HACD1: variants seen among roughly 807,000 people sequenced by gnomAD.
The protein encoded by HACD1 is very-long-chain (3R)-3-hydroxyacyl-CoA dehydratase 1.
In HACD1, 41 loss-of-function variants were observed where a neutral mutation model predicts 32.0. That is an observed-to-expected ratio of 1.28 (90% CI 1.00 to 1.66). The LOEUF (loss-of-function observed/expected upper bound fraction) is 1.66, where lower values mean the gene tolerates loss of function less well. Ranked by LOEUF, HACD1 falls within the 40% of genes most tolerant of loss-of-function variation. HACD1 has a pLI of 0.00. For missense variants in HACD1, 396 were observed against 380.1 expected (o/e 1.04, Z -0.35); for synonymous variants, 142 against 139.0 (o/e 1.02, Z -0.15).
At chr10:17,601,787 G>T (rs143529181) in intron 4 of HACD1, among the ~76,000 whole-genome samples, 1 of 152,110 alleles carries the variant, frequency 6.6e-6, no homozygotes, top group East Asian at 1.9e-4. Flanking sequence ...CATGGCAGTC[G>T]CTGTTTAGGG....
intron 6 of HACD1, among the ~76,000 whole-genome samples, chr10:17,592,937 C>T (rs927220276): frequency 1.3e-5 from 2 of 152,212 alleles, no homozygotes; most frequent in Admixed American, 6.5e-5. Context: ...GGCAGGGGCT[C>T]ATGCCTGTAA....
At position 17,589,881 on chromosome 10, in the gene HACD1, C is replaced by T. The variant is rs1554815409; in HGVS notation, c.*483G>A. ...CAAATTATATCCACGCTTCCAAACA[C>T]TGTTATTAGTCATAATGCTGCCTTA... On this transcript the variant is annotated 3_prime_UTR_variant, in exon 7 of 7. Coordinates refer to ENST00000361271, the MANE Select transcript of HACD1 (RefSeq NM_014241.4). The T allele has an allele frequency of 6.8e-6, 1 of 147,986 alleles. No homozygotes were observed. Among genetic ancestry groups the T allele is most frequent in the Non-Finnish European group, 1.5e-5 (1 of 67,216 alleles). 9.2% of individuals were successfully genotyped at this position (147,986 alleles called of 1,614,324 possible).
chr10:17,616,225 C>CGCCACT (rs1319531380), intron 1 of HACD1, among the ~76,000 whole-genome samples: 3 of 86,138 alleles, frequency 3.5e-5, no homozygotes, highest in Non-Finnish European at 7.4e-5. Flanking sequence ...GCCGAGATCC[C>CGCCACT]GCCACTGCAC....
intron 1 of HACD1, among the ~76,000 whole-genome samples, chr10:17,606,833 C>T (rs1350271804): frequency 1.3e-5 from 2 of 152,170 alleles, no homozygotes; most frequent in Non-Finnish European, 2.9e-5. Flanking sequence ...AGAGTGCTTT[C>T]TATGTCTTAG....
At chr10:17,604,357 C>T (rs1322957592) in intron 1 of HACD1, among the ~76,000 whole-genome samples, 2 of 151,752 alleles carry the variant, frequency 1.3e-5, no homozygotes, top group African/African-American at 4.8e-5. Context: ...TGGTGGCGGG[C>T]GCCTGAGTCC....
chr10:17,608,200 T>C (rs1036678009), intron 1 of HACD1, among the ~76,000 whole-genome samples: 3 of 151,196 alleles, frequency 2.0e-5, no homozygotes, highest in African/African-American at 4.9e-5. Context: ...TGTTGTGGGG[T>C]TTTTTTTAGT....
At chr10:17,613,097 G>GTGT (rs1833014752) in intron 1 of HACD1, among the ~76,000 whole-genome samples, 2 of 132,814 alleles carry the variant, frequency 1.5e-5, no homozygotes, top group Non-Finnish European at 3.2e-5. Context: ...TGCAATTTGG[G>GTGT]GTGTGTGTGT....
At position 17,589,567 on chromosome 10, in the gene HACD1, G is replaced by A. The variant is rs1367603058; in HGVS notation, c.*797C>T. ...AGTCTTCCAAAGTGCTGGGATTACAGGCATGAGCTACCACTCCCAGCCTGA... is the reference window on the plus strand; with the variant it reads ...AGTCTTCCAAAGTGCTGGGATTACAAGCATGAGCTACCACTCCCAGCCTGA... On this transcript the variant is annotated 3_prime_UTR_variant, in exon 7 of 7. Coordinates refer to ENST00000361271, the MANE Select transcript of HACD1 (RefSeq NM_014241.4). 1 of 152,130 alleles carries A rather than the reference G, an allele frequency of 6.6e-6. No homozygotes were observed. The highest frequency in any genetic ancestry group is 1.9e-4 in the East Asian group (1 of 5,200). 9.4% of individuals were successfully genotyped at this position (152,130 alleles called of 1,614,324 possible).
At chr10:17,605,648 TA>T (rs556118206) in intron 1 of HACD1, among the ~76,000 whole-genome samples, 77 of 139,606 alleles carry the variant, frequency 5.5e-4, no homozygotes, top group East Asian at 1.0e-3. Context: ...AAAGGTTGTT[TA>T]AAAAAAAAAA....
At chr10:17,594,862 T>A (rs1323897569) in intron 5 of HACD1, among the ~76,000 whole-genome samples, 1 of 149,506 alleles carries the variant, frequency 6.7e-6, no homozygotes, top group Non-Finnish European at 1.5e-5. Flanking sequence ...TTTTTTTTGT[T>A]TTTTGTTTTT....
In HACD1 at chr10:17,603,653, A is replaced by G; in HGVS notation, c.395-5T>C. 1 of 1,612,092 alleles carries G rather than the reference A, an allele frequency of 6.2e-7. No individual in the cohort carries two copies. Among genetic ancestry groups the G allele is most frequent in the Non-Finnish European group, 8.5e-7 (1 of 1,178,386 alleles). On this transcript the variant is annotated splice_polypyrimidine_tract_variant and splice_region_variant and intron_variant, in intron 3 of 6. Coordinates refer to ENST00000361271, the MANE Select transcript of HACD1 (RefSeq NM_014241.4). The stretch of plus-strand genomic sequence containing the variant: ...TCACAGAAGTAGGTACAATTCCTTA[A>G]AAAGAAAAACAAGTGAACTATTGCC...
At chr10:17,603,899 C>T (rs782819569) in intron 2 of HACD1, 31 bp downstream of exon 2, 55 of 1,532,424 alleles carry the variant, frequency 3.6e-5, no homozygotes, top group Non-Finnish European at 3.1e-5. Context: ...AATATTACAG[C>T]AATAGAAAAA....
chr10:17,595,180 T>C (rs1332879556), intron 5 of HACD1, among the ~76,000 whole-genome samples: 1 of 152,070 alleles, frequency 6.6e-6, no homozygotes, highest in Non-Finnish European at 1.5e-5. Flanking sequence ...AAAAAAAGTA[T>C]TGTAATGGTA....
intron 1 of HACD1, among the ~76,000 whole-genome samples, chr10:17,606,763 G>A (rs1554817102): frequency 6.6e-6 from 1 of 152,142 alleles, no homozygotes; most frequent in Admixed American, 6.5e-5. Flanking sequence ...AGGACCACAA[G>A]GACCTTTGAA....
At chr10:17,592,130 C>T (rs1182926801) in intron 6 of HACD1, among the ~76,000 whole-genome samples, 1 of 151,758 alleles carries the variant, frequency 6.6e-6, no homozygotes, top group Admixed American at 6.6e-5. Context: ...TACAGGTGCC[C>T]ACTACCATGT....
chr10:17,595,664 C>T (rs1180536159), intron 5 of HACD1, among the ~76,000 whole-genome samples: 2 of 151,622 alleles, frequency 1.3e-5, no homozygotes, highest in African/African-American at 2.4e-5. Context: ...GGCTGGTCTC[C>T]AATAAGAGGG....
Position 17,590,221 on chromosome 10 carries a change from G to C in HACD1, c.*143C>G, listed in dbSNP as rs782046385. 1 of 544,730 alleles carries C rather than the reference G, an allele frequency of 1.8e-6. No homozygotes were observed. The highest frequency in any genetic ancestry group is 3.5e-5 in the Admixed American group (1 of 28,790). The allele number at this position is 544,730 out of a possible 1,614,324, so 33.7% of individuals were successfully genotyped here. A position where few individuals can be genotyped will look rare whatever the true frequency, so the allele number is the denominator to read the frequency against. On this transcript the variant is annotated 3_prime_UTR_variant, in exon 7 of 7. Transcript: ENST00000361271. ...CTGGCACAAGAGGAACACAAATACT[G>C]GCAAATACCACGTGTCTCAAGTTAT...
intron 1 of HACD1, among the ~76,000 whole-genome samples, chr10:17,613,407 G>A (rs1468906556): frequency 6.6e-6 from 1 of 152,054 alleles, no homozygotes; most frequent in Non-Finnish European, 1.5e-5. Context: ...TTCTTGTCCC[G>A]ATTTCAACAC....
chr10:17,594,702 C>T (rs1035514856), intron 5 of HACD1, among the ~76,000 whole-genome samples: 3 of 152,036 alleles, frequency 2.0e-5, no homozygotes, highest in East Asian at 1.9e-4. Flanking sequence ...AGATGGAGTT[C>T]GCTCTTGTCA....
Sources: gnomAD v4.1 joint callset for allele counts (sites outside exome capture counted in the v4.1 genomes callset) on GRCh38, gnomAD v4.1.1 for gene constraint, MANE v1.5 for transcripts, NCBI Gene and HGNC (gene_info 2026-07-23, HGNC 2026-07-21) for gene names.